The following BRF1 variants were observed in gnomAD, a reference collection of about 807,000 sequenced individuals.
BRF1 encodes the protein BRF1 general transcription factor IIIB subunit.
BRF1 carries 59 observed loss-of-function variants against 81.7 expected under a neutral mutation model. The ratio of observed to expected loss-of-function variants is 0.72; its 90% CI spans 0.59 to 0.90. The LOEUF is 0.90. Ranked by LOEUF, BRF1 falls within the 40% of genes least tolerant of loss-of-function variation. The pLI is 0.00. For synonymous variants in BRF1, 491 were observed against 395.6 expected (o/e 1.24, Z -2.86); for missense variants, 1,050 against 936.3 (o/e 1.12, Z -1.58).
chr14:105,213,811 G>A (rs75690343), intron 15 of BRF1, among the ~76,000 whole-genome samples: 1,976 of 152,298 alleles, frequency 0.013, 50 homozygotes, highest in African/African-American at 0.046. Flanking sequence ...GAGAGGGTGC[G>A]TAGTGTTCAT....
intron 1 of BRF1, among the ~76,000 whole-genome samples, chr14:105,313,293 C>A (rs587623882): frequency 6.6e-6 from 1 of 152,196 alleles, no homozygotes; most frequent in Non-Finnish European, 1.5e-5. Flanking sequence ...TCACAGACAG[C>A]CTGTCCTCCT....
chr14:105,247,402 C>T (rs1342779949), intron 5 of BRF1: 2 of 985,452 alleles, frequency 2.0e-6, no homozygotes, highest in Non-Finnish European at 2.4e-6. Context: ...ATGATTTGTG[C>T]ACTCTGGGCC....
At chr14:105,270,441 C>T (rs2056607563) in intron 3 of BRF1, among the ~76,000 whole-genome samples, 1 of 151,816 alleles carries the variant, frequency 6.6e-6, no homozygotes, top group Admixed American at 6.6e-5. Flanking sequence ...TCCCAAAGTG[C>T]TGGGATTACA....
chr14:105,216,076 GCACA>G (rs1891233680), intron 15 of BRF1, among the ~76,000 whole-genome samples: 2 of 150,956 alleles, frequency 1.3e-5, no homozygotes, highest in African/African-American at 2.4e-5. Context: ...ACACACACAT[GCACA>G]CAAATACTGC....
chr14:105,296,822 C>T (rs1474631198), intron 1 of BRF1, among the ~76,000 whole-genome samples: 2 of 151,984 alleles, frequency 1.3e-5, no homozygotes, highest in African/African-American at 2.4e-5. Flanking sequence ...AAAAATTCCA[C>T]TTATAATAAC....
rs183320554 is a variant in BRF1, at chr14:105,308,337, C to T, written c.-162+6985G>A. Among the ~76,000 whole-genome samples the T allele has an allele frequency of 2.5e-3, 378 of 151,964 alleles. 2 individuals are homozygous for T. The highest frequency in any genetic ancestry group is 8.7e-3 in the African/African-American group (361 of 41,452). The stretch of plus-strand genomic sequence containing the variant: ...TCTCTAACAAAAATACAAAAATTAG[C>T]CAGGTGTGGTGGTACATGCCTGTGG... On this transcript the variant is annotated intron_variant, in intron 1 of 17. Coordinates refer to the BRF1 transcript ENST00000327359.
rs587676941 is a variant in BRF1, at chr14:105,248,900, C to G, written c.544+3607G>C. The G allele has an allele frequency of 1.9e-3, 1,837 of 987,798 alleles. 21 individuals are homozygous for G. In the African/African-American group the frequency reaches 0.029, roughly 16 times the overall value. 61.2% of individuals were successfully genotyped at this position (987,798 alleles called of 1,614,324 possible). On this transcript the variant is annotated intron_variant, in intron 5 of 17. Coordinates refer to ENST00000547530, the MANE Select transcript of BRF1 (RefSeq NM_001519.4). The stretch of plus-strand genomic sequence containing the variant: ...CGGCGGAACTCTACGCTCCCGCCAG[C>G]GCCGCGGCCGCGGACCTAGCCAACA...
intron 1 of BRF1, among the ~76,000 whole-genome samples, chr14:105,312,842 G>C (rs1445402663): frequency 6.6e-6 from 1 of 152,184 alleles, no homozygotes; most frequent in South Asian, 2.1e-4. Context: ...GGTGTGTTTC[G>C]TGTCCCTGCT....
At chr14:105,241,206 G>C in intron 6 of BRF1, 59 bp downstream of exon 6, 1 of 1,591,888 alleles carries the variant, frequency 6.3e-7, no homozygotes, top group Non-Finnish European at 8.5e-7. Context: ...TCAGGAGTCA[G>C]GAAAGTGTGA....
chr14:105,241,141 G>A (rs1160752720), intron 6 of BRF1, 124 bp downstream of exon 6: 1 of 1,466,208 alleles, frequency 6.8e-7, no homozygotes, highest in African/African-American at 1.4e-5. Context: ...TCAGCCCCGG[G>A]AGGCTGGAGG....
At chr14:105,217,023 G>A (rs1048603754) in intron 15 of BRF1, among the ~76,000 whole-genome samples, 3 of 152,216 alleles carry the variant, frequency 2.0e-5, no homozygotes, top group Non-Finnish European at 4.4e-5. Context: ...CCACTCCAAG[G>A]CGGCCCTGCA....
At chr14:105,245,573 AACAGG>A (rs55995608) in intron 5 of BRF1, among the ~76,000 whole-genome samples, 36,633 of 151,512 alleles carry the variant, frequency 0.24, 4,706 homozygotes, top group South Asian at 0.29. Context: ...AACAGAACAG[AACAGG>A]ACAGGACAGG....
Position 105,211,238 on chromosome 14 carries a change from A to C in BRF1, c.1880T>G (p.Val627Gly). The C allele has an allele frequency of 1.2e-6, 2 of 1,610,110 alleles. No homozygotes were observed. Among genetic ancestry groups the C allele is most frequent in the Non-Finnish European group, 1.7e-6 (2 of 1,178,952 alleles). ...LGAEPARPQA[V>G]LVESGPVSYH... is the part of the protein sequence containing the mutation. ...TGACACGGGCCCGCTCTCCACCAGC[A>C]CCGCCTGGGGCCTGGCAGGCTCAGC... Residue 627 changes from valine to glycine, a missense_variant, in exon 17 of 18, where the codon GTG becomes GGG. Physicochemically the swap from Val to Gly is moderately radical, Grantham distance 109 (BLOSUM62 -3). Around this residue, in one of 2 missense-constraint regions of BRF1, gnomAD observed 1,043 missense variants for 915.4 expected, o/e 1.14. Transcript: ENST00000547530.
upstream of BRF1, among the ~76,000 whole-genome samples, chr14:105,305,931 C>T (rs113705671): frequency 6.6e-4 from 101 of 152,370 alleles, no homozygotes; most frequent in African/African-American, 2.4e-3. Flanking sequence ...ACGCTGGAAA[C>T]GTGCAGTGAT....
chr14:105,253,791 CA>C (rs988114467), intron 4 of BRF1, among the ~76,000 whole-genome samples: 2 of 152,224 alleles, frequency 1.3e-5, no homozygotes, highest in African/African-American at 2.4e-5. Context: ...GCTGGTGGCT[CA>C]CAGAGTGTGC....
chr14:105,302,005 G>C (rs1414227635), upstream of BRF1, among the ~76,000 whole-genome samples: 1 of 152,086 alleles, frequency 6.6e-6, no homozygotes, highest in Non-Finnish European at 1.5e-5. Context: ...CAGGCTTGGT[G>C]GTGGGCGCCT....
chr14:105,229,156 C>T (rs2018402), intron 6 of BRF1, among the ~76,000 whole-genome samples: 54,217 of 152,156 alleles, frequency 0.36, 10,821 homozygotes, highest in East Asian at 0.78. Flanking sequence ...AAAATGAAGG[C>T]TTCCGAGAGC....
chr14:105,211,369 G>C (rs1219042975), intron 16 of BRF1, 76 bp from the exon 17 acceptor site: 11 of 1,361,592 alleles, frequency 8.1e-6, no homozygotes, highest in Non-Finnish European at 8.7e-6. Flanking sequence ...AGACCCACCA[G>C]GGCTGGCCCA....
At chr14:105,250,400 G>A in intron 5 of BRF1, 1 of 1,613,902 alleles carries the variant, frequency 6.2e-7, no homozygotes. Context: ...GCGGCTCGGG[G>A]TGGTTCTGGC....
Sources: allele counts gnomAD v4.1 joint callset (sites outside exome capture counted in the v4.1 genomes callset), GRCh38; gene constraint gnomAD v4.1.1; regional missense constraint gnomAD v4.1.1; transcripts MANE v1.5; gene names NCBI Gene and HGNC (gene_info 2026-07-23, HGNC 2026-07-21).